Variants in PPFIA2 observed in about 807,000 individuals in gnomAD.
PPFIA2 encodes the protein liprin-alpha-2.
A neutral mutation model predicts 175.5 loss-of-function variants in PPFIA2; 46 were observed. The ratio of observed to expected loss-of-function variants is 0.26; its 90% CI spans 0.21 to 0.34. The LOEUF (loss-of-function observed/expected upper bound fraction) is 0.34. Ranked by LOEUF, PPFIA2 falls within the 10% of genes least tolerant of loss-of-function variation. The pLI, the probability that PPFIA2 is intolerant of heterozygous loss-of-function variation, is 1.00. For synonymous variants in PPFIA2, 568 were observed against 511.4 expected (o/e 1.11, Z -1.49); for missense variants, 1,179 against 1,506.1 (o/e 0.78, Z 3.60).
chr12:81,650,593 G>A (rs2066889125), intron 4 of PPFIA2, among the ~76,000 whole-genome samples: 1 of 152,148 alleles, frequency 6.6e-6, no homozygotes, highest in Non-Finnish European at 1.5e-5. Flanking sequence ...AATTTAGGGA[G>A]GTAAAACTAG....
chr12:81,628,143 G>T (rs2062939424), intron 4 of PPFIA2, among the ~76,000 whole-genome samples: 1 of 151,990 alleles, frequency 6.6e-6, no homozygotes, highest in Non-Finnish European at 1.5e-5. Flanking sequence ...CAGGAGAAAG[G>T]ATATTTTAAG....
chr12:81,262,075 GA>G (rs780603198), intron 31 of PPFIA2, 35 bp from the exon 32 acceptor site: 7 of 1,402,880 alleles, frequency 5.0e-6, no homozygotes, highest in South Asian at 3.6e-5. Context: ...GAGGGACTTG[GA>G]TGATTGAGTA....
intron 5 of PPFIA2, among the ~76,000 whole-genome samples, chr12:81,448,617 T>C (rs1483347446): frequency 6.6e-6 from 1 of 152,228 alleles, no homozygotes; most frequent in Non-Finnish European, 1.5e-5. Flanking sequence ...CTCATTCTGG[T>C]ATAGCTTCAT....
intron 4 of PPFIA2, among the ~76,000 whole-genome samples, chr12:81,608,699 A>G (rs905254487): frequency 6.6e-6 from 1 of 151,876 alleles, no homozygotes; most frequent in African/African-American, 2.4e-5. Flanking sequence ...CTTTGCTAAT[A>G]TAGCTAGTAG....
chr12:81,450,392 G>T (rs1049342776), intron 5 of PPFIA2, among the ~76,000 whole-genome samples: 1 of 152,188 alleles, frequency 6.6e-6, no homozygotes, highest in Non-Finnish European at 1.5e-5. Flanking sequence ...GATGGCCAGT[G>T]ATGGTGAGCA....
At chr12:81,566,237 G>A (rs556548524) in intron 4 of PPFIA2, among the ~76,000 whole-genome samples, 1 of 151,930 alleles carries the variant, frequency 6.6e-6, no homozygotes, top group East Asian at 1.9e-4. Context: ...GTACATGTAC[G>A]TTTTGGCCGG....
chr12:81,726,928 C>A (rs1445260678), intron 3 of PPFIA2, among the ~76,000 whole-genome samples: 1 of 151,320 alleles, frequency 6.6e-6, no homozygotes, highest in Non-Finnish European at 1.5e-5. Context: ...TCAAGAATGG[C>A]ATGTCTCTGA....
intron 3 of PPFIA2, among the ~76,000 whole-genome samples, chr12:81,726,555 A>G (rs1221725849): frequency 6.6e-6 from 1 of 151,334 alleles, no homozygotes. Flanking sequence ...AAGTTTGGGA[A>G]TGTTCATAGT....
Position 81,625,551 on chromosome 12 carries a change from G to A in PPFIA2, c.303+51240C>T, listed in dbSNP as rs117660349. 1.1e-3 allele frequency among the ~76,000 whole-genome samples: 166 copies of A among 151,844 alleles called. 1 individual carries two copies. The highest frequency in any genetic ancestry group is 6.8e-3 in the Middle Eastern group (2 of 294). ...AATCCTGGCTCTGATACATTGTGTA[G>A]TATCTATTATGTGTCACTAGGTAAG... On this transcript the variant is annotated intron_variant, in intron 4 of 32. Transcript: ENST00000549396.
chr12:81,354,309 C>T (rs1174714957), intron 16 of PPFIA2, among the ~76,000 whole-genome samples: 1 of 152,208 alleles, frequency 6.6e-6, no homozygotes, highest in Admixed American at 6.5e-5. Flanking sequence ...AATCAATCCT[C>T]TCACACCCTG....
intron 4 of PPFIA2, among the ~76,000 whole-genome samples, chr12:81,665,004 A>G (rs1226875492): frequency 6.7e-6 from 1 of 148,474 alleles, no homozygotes; most frequent in Non-Finnish European, 1.5e-5. Context: ...ACATGGACAC[A>G]GGAAGGGGAA....
At chr12:81,275,527 A>C (rs2040286739) in intron 28 of PPFIA2, among the ~76,000 whole-genome samples, 2 of 152,132 alleles carry the variant, frequency 1.3e-5, no homozygotes, top group South Asian at 2.1e-4. Context: ...ACAGCACTAA[A>C]CGTTAATATT....
intron 9 of PPFIA2, among the ~76,000 whole-genome samples, chr12:81,378,907 T>A (rs2036993895): frequency 2.0e-5 from 3 of 152,148 alleles, no homozygotes; most frequent in Admixed American, 2.0e-4. Flanking sequence ...GATTCTAATA[T>A]GTAGCACATA....
chr12:81,563,975 A>G (rs750889150), intron 4 of PPFIA2, among the ~76,000 whole-genome samples: 4 of 152,224 alleles, frequency 2.6e-5, no homozygotes, highest in Non-Finnish European at 4.4e-5. Flanking sequence ...TTTAATACAT[A>G]TCATTGTGTC....
chr12:81,646,860 A>C (rs938023921), intron 4 of PPFIA2, among the ~76,000 whole-genome samples: 1 of 149,714 alleles, frequency 6.7e-6, no homozygotes, highest in African/African-American at 2.5e-5. Flanking sequence ...GGAAGGAAGG[A>C]GGGAAGGAAT....
At chr12:81,565,435 T>C (rs188755342) in intron 4 of PPFIA2, among the ~76,000 whole-genome samples, 66 of 152,308 alleles carry the variant, frequency 4.3e-4, no homozygotes, top group African/African-American at 1.4e-3. Flanking sequence ...AGCCTGCAGA[T>C]GGCCTATTGT....
chr12:81,625,763 T>C (rs2062628606), intron 4 of PPFIA2, among the ~76,000 whole-genome samples: 1 of 150,208 alleles, frequency 6.7e-6, no homozygotes, highest in African/African-American at 2.4e-5. Context: ...CTCCAACATT[T>C]TTCTAAACAT....
chr12:81,417,893 C>T (rs2045587581), intron 7 of PPFIA2, among the ~76,000 whole-genome samples: 1 of 151,760 alleles, frequency 6.6e-6, no homozygotes, highest in African/African-American at 2.4e-5. Flanking sequence ...AGACAGGACA[C>T]TCTGCCTCCC....
rs189032969 is a variant in PPFIA2, at chr12:81,341,090, T to C, written c.2381A>G (p.Asn794Ser). ...MTHTLPSSYH[N>S]DARSSLSVSL... ...TGCAGAGTCTTACCTTCGAGCATCA[T>C]TGTGGTAGGAAGAAGGGAGAGTGTG... The change falls in exon 20 of 33, where the codon AAT becomes AGT. Residue 794 changes from asparagine (N) to serine (S), a missense_variant. By Grantham distance (46) the Asn-to-Ser change is conservative. Coordinates refer to ENST00000549396, the MANE Select transcript of PPFIA2 (RefSeq NM_003625.5). 89 of 1,610,388 alleles carry C rather than the reference T, an allele frequency of 5.5e-5. No homozygotes were observed. In the East Asian group the frequency reaches 1.7e-3, roughly 30 times the overall value.
Sources: allele counts gnomAD v4.1 joint callset (sites outside exome capture counted in the v4.1 genomes callset), GRCh38; gene constraint gnomAD v4.1.1; transcripts MANE v1.5; gene names NCBI Gene and HGNC (gene_info 2026-07-23, HGNC 2026-07-21).